Variants in STAG2 observed in about 807,000 individuals in gnomAD.
STAG2 encodes STAG2 cohesin complex component.
A neutral mutation model predicts 108.1 loss-of-function variants in STAG2; 14 were observed. The ratio of observed to expected loss-of-function variants is 0.13; its 90% CI spans 0.09 to 0.20. STAG2 has a LOEUF of 0.20. STAG2 is among the 10% of genes least tolerant of loss of function. STAG2 has a pLI of 1.00. For synonymous variants in STAG2, 307 were observed against 302.7 expected (o/e 1.01, Z -0.15); for missense variants, 440 against 940.9 (o/e 0.47, Z 6.96).
chrX:123,991,806 A>G lies in STAG2; in HGVS notation c.-162-29561A>G, dbSNP rs181408591. On this transcript the variant is annotated intron_variant, in intron 1 of 34. Transcript: ENST00000371145. ...CAGCCTTCCGAGTAGCTGGGATTAC[A>G]GGTGCACGCCACCACGCCCAGCTAA... 4.5e-5 allele frequency among the ~76,000 whole-genome samples: 5 copies of G among 111,213 alleles called. No homozygotes were observed. In the Admixed American group the frequency reaches 4.8e-4, roughly 11 times the overall value.
At position 124,077,250 on chromosome X, in the gene STAG2, GT is replaced by G. The variant is rs199555665; in HGVS notation, c.2674-694del. 9.1e-3 allele frequency among the ~76,000 whole-genome samples: 923 copies of G among 101,863 alleles called. 8 individuals are homozygous for G. The highest frequency in any genetic ancestry group is 0.027 in the African/African-American group (779 of 28,427). 88.5% of individuals were successfully genotyped at this position (101,863 alleles called of 115,157 possible). The stretch of plus-strand genomic sequence containing the variant: ...AATCATTTGGGATGATAATTACCAG[GT>G]TTTTTTTTTTTTAAACTAAGGTTGT... On this transcript the variant is annotated intron_variant, in intron 26 of 34. Coordinates refer to ENST00000371145, the MANE Select transcript of STAG2 (RefSeq NM_001042750.2).
intron 34 of STAG2, among the ~76,000 whole-genome samples, chrX:124,099,787 A>G (rs1279231353): frequency 2.7e-5 from 3 of 111,660 alleles, no homozygotes; most frequent in Non-Finnish European, 5.6e-5. Flanking sequence ...AATATTACTT[A>G]ATGGGCATAA....
At chrX:123,984,073 G>C (rs1284106778) in intron 1 of STAG2, among the ~76,000 whole-genome samples, 2 of 101,206 alleles carry the variant, frequency 2.0e-5, no homozygotes, top group Non-Finnish European at 2.0e-5. Flanking sequence ...CTGCCTCCCA[G>C]GTTCAAGTGA....
At chrX:124,026,458 A>G (rs2057108245) in intron 4 of STAG2, 1 of 162,887 alleles carries the variant, frequency 6.1e-6, no homozygotes, top group East Asian at 1.8e-4. Context: ...TGAGGGCTGG[A>G]TATAACTTGG....
In STAG2 at chrX:124,000,075, A is replaced by T. The variant is rs779325635; in HGVS notation, c.-162-21292A>T. On this transcript the variant is annotated intron_variant, in intron 1 of 34. Coordinates refer to ENST00000371145, the MANE Select transcript of STAG2 (RefSeq NM_001042750.2). ...AGCTCACCCTCCTTTTATATAAACT[A>T]CAGTCATGTGCTGAATAATGACGTT... 6.9e-4 allele frequency among the ~76,000 whole-genome samples: 76 copies of T among 110,490 alleles called. No individual in the cohort carries two copies. The South Asian group carries it at 7.3e-3, about 11-fold the overall frequency.
intron 29 of STAG2, among the ~76,000 whole-genome samples, chrX:124,085,511 G>A (rs753443660): frequency 8.1e-5 from 9 of 110,712 alleles, no homozygotes; most frequent in African/African-American, 3.0e-4. Flanking sequence ...ACTGGGAGTC[G>A]GGTGCCGCGG....
At chrX:124,095,344 T>C (rs774818364) in intron 33 of STAG2, 28 bp from the exon 34 acceptor site, 1 of 1,150,098 alleles carries the variant, frequency 8.7e-7, no homozygotes, top group East Asian at 3.0e-5. Flanking sequence ...GCTAAACTAA[T>C]GTCAACTTAT....
chrX:124,033,127 TAG>T (rs1272687443), intron 5 of STAG2, among the ~76,000 whole-genome samples: 1 of 112,432 alleles, frequency 8.9e-6, no homozygotes, highest in African/African-American at 3.2e-5. Context: ...ATATCATGAT[TAG>T]AGTGTGGATT....
At chrX:123,961,953 C>T (rs1373927615) in intron 1 of STAG2, 97 bp downstream of exon 1, 1 of 112,929 alleles carries the variant, frequency 8.9e-6, no homozygotes, top group Non-Finnish European at 1.9e-5. Flanking sequence ...CCCTGCCTGC[C>T]TGGCATGGGC....
rs751065893 is a variant in STAG2, at chrX:124,100,773, T to C, written c.*176T>C. 1.2e-5 allele frequency: 4 copies of C among 326,504 alleles called. No homozygotes were observed. The South Asian group carries it at 5.6e-4, about 46-fold the overall frequency. The allele number at this position is 326,504 out of a possible 1,213,427, so 26.9% of individuals were successfully genotyped here. On this transcript the variant is annotated 3_prime_UTR_variant, in exon 35 of 35. Coordinates refer to ENST00000371145, the MANE Select transcript of STAG2 (RefSeq NM_001042750.2). The stretch of plus-strand genomic sequence containing the variant: ...GCAGTTTTGTTTGCCTGAATAAACG[T>C]AAAGGACAAGTAAACAATTTGATGA...
At chrX:123,979,298 A>G (rs558791486) in intron 1 of STAG2, among the ~76,000 whole-genome samples, 62 of 111,043 alleles carry the variant, frequency 5.6e-4, no homozygotes, top group Middle Eastern at 9.1e-3. Context: ...TATTACCATC[A>G]AACATACATT....
intron 29 of STAG2, among the ~76,000 whole-genome samples, chrX:124,083,928 G>A (rs149221926): frequency 0.016 from 1,756 of 111,523 alleles, 12 homozygotes; most frequent in South Asian, 0.033. Context: ...GCTGCTTTTT[G>A]TGTTATTATC....
intron 1 of STAG2, among the ~76,000 whole-genome samples, chrX:123,966,334 C>T (rs143805639): frequency 0.018 from 1,943 of 109,410 alleles, 47 homozygotes; most frequent in African/African-American, 0.061. Context: ...TGGTGGTGCG[C>T]GTCTGTAGTC....
chrX:124,039,474 T>G (rs1240255392), intron 6 of STAG2, among the ~76,000 whole-genome samples: 4 of 109,726 alleles, frequency 3.6e-5, no homozygotes, highest in Non-Finnish European at 5.7e-5. Context: ...TAGAGACAGA[T>G]CTGGCTGTGT....
chrX:123,983,231 C>CT (rs35406016), intron 1 of STAG2, among the ~76,000 whole-genome samples: 6,207 of 101,450 alleles, frequency 0.061, 440 homozygotes, highest in African/African-American at 0.2. Flanking sequence ...ATTACTGGCA[C>CT]TTTTTTTTTT....
At chrX:123,992,876 T>C (rs191223811) in intron 1 of STAG2, among the ~76,000 whole-genome samples, 73 of 110,780 alleles carry the variant, frequency 6.6e-4, no homozygotes, top group Non-Finnish European at 1.1e-3. Context: ...TGATTCTGCA[T>C]TGAGTACAAA....
chrX:124,064,052 GTATATATTA>G lies in STAG2; in HGVS notation c.2025+4_2025+12del. 1 of 1,187,934 alleles carries G rather than the reference GTATATATTA, an allele frequency of 8.4e-7. No homozygotes were observed. The highest frequency in any genetic ancestry group is 1.1e-6 in the Non-Finnish European group (1 of 876,775). ...GCTTCTTGAAGATTTTCTGCAAGAG[GTATATATTA>G]TAACTATTACAAGTATTTTGTCAGT... is the stretch of plus-strand genomic sequence containing the variant. On this transcript the variant is annotated splice_donor_variant and splice_donor_5th_base_variant and intron_variant, in intron 20 of 34. Coordinates refer to ENST00000371145, the MANE Select transcript of STAG2 (RefSeq NM_001042750.2). LOFTEE classifies it high-confidence loss of function.
chrX:123,977,925 C>T, intron 1 of STAG2, among the ~76,000 whole-genome samples: 1 of 99,237 alleles, frequency 1.0e-5, no homozygotes, highest in East Asian at 3.2e-4. Context: ...TCACTGCAGC[C>T]TTGACTTTCT....
chrX:123,967,742 A>C (rs1363100924), intron 1 of STAG2, among the ~76,000 whole-genome samples: 1 of 111,363 alleles, frequency 9.0e-6, no homozygotes, highest in Non-Finnish European at 1.9e-5. Context: ...CCTAGGCTAC[A>C]ATCCTGTACA....
Sources: allele counts gnomAD v4.1 joint callset (sites outside exome capture counted in the v4.1 genomes callset), GRCh38; gene constraint gnomAD v4.1.1; transcripts MANE v1.5; gene names NCBI Gene and HGNC (gene_info 2026-07-23, HGNC 2026-07-21).